GSAP: variants seen among roughly 807,000 people sequenced by gnomAD.
GSAP encodes gamma-secretase-activating protein.
Under a neutral mutation model 131.7 loss-of-function variants are expected in GSAP, and 118 were observed. The observed-to-expected ratio is 0.90, with a 90% CI of 0.77 to 1.04. The LOEUF (loss-of-function observed/expected upper bound fraction) is 1.04. GSAP is among the 50% of genes least tolerant of loss of function. The pLI, the probability that GSAP is intolerant of heterozygous loss-of-function variation, is 0.00. For missense variants in GSAP, 1,019 were observed against 1,013.2 expected (o/e 1.01, Z -0.08); for synonymous variants, 381 against 363.4 (o/e 1.05, Z -0.55).
intron 13 of GSAP, among the ~76,000 whole-genome samples, chr7:77,361,222 GC>G (rs143485386): frequency 6.6e-6 from 1 of 152,216 alleles, no homozygotes; most frequent in African/African-American, 2.4e-5. Context: ...TGGCTCATTG[GC>G]CCACATTCCT....
chr7:77,404,171 A>T (rs1254691916), intron 3 of GSAP, among the ~76,000 whole-genome samples: 1 of 152,232 alleles, frequency 6.6e-6, no homozygotes, highest in Non-Finnish European at 1.5e-5. Context: ...AGCTGCCAAA[A>T]TGACCAAATG....
chr7:77,377,258 A>AAAAAAAAAAAAAAAAT, intron 9 of GSAP, 28 bp downstream of exon 9: 82 of 1,400,492 alleles, frequency 5.9e-5, no homozygotes, highest in Non-Finnish European at 7.1e-5. Context: ...AAAAAAAAAA[A>AAAAAAAAAAAAAAAAT]GGAGTGCCCG....
intron 5 of GSAP, among the ~76,000 whole-genome samples, chr7:77,391,310 C>A (rs1447487054): frequency 1.3e-5 from 2 of 151,952 alleles, no homozygotes; most frequent in Non-Finnish European, 2.9e-5. Flanking sequence ...TTCTCAAGTA[C>A]AACCCAGACA....
In GSAP at chr7:77,336,246, C is replaced by T. The variant is rs572454828; in HGVS notation, c.1546-5879G>A. Reference sequence around the variant, plus strand: ...TATTCCATCTCACAATCAGCTTATGCCCTGAGAAAGTCAATGCTAAGCTCT... The same window carrying T: ...TATTCCATCTCACAATCAGCTTATGTCCTGAGAAAGTCAATGCTAAGCTCT... On this transcript the variant is annotated intron_variant, in intron 19 of 30. Transcript: ENST00000257626. Among the ~76,000 whole-genome samples, 209 of 151,964 alleles carry T rather than the reference C, an allele frequency of 1.4e-3. 1 individual carries two copies. Among genetic ancestry groups the T allele is most frequent in the Non-Finnish European group, 1.0e-3 (68 of 67,928 alleles).
chr7:77,409,016 C>T (rs891915544), intron 1 of GSAP, among the ~76,000 whole-genome samples: 1 of 152,144 alleles, frequency 6.6e-6, no homozygotes, highest in Non-Finnish European at 1.5e-5. Flanking sequence ...TCACAAGCAG[C>T]AGCTTAGTGG....
chr7:77,406,118 T>C lies in GSAP; in HGVS notation c.110-13A>G. The C allele has an allele frequency of 1.6e-6, 2 of 1,259,458 alleles. No homozygotes were observed. The highest frequency in any genetic ancestry group is 1.6e-5 in the South Asian group (1 of 63,532). 78.0% of individuals were successfully genotyped at this position (1,259,458 alleles called of 1,614,324 possible). ...TTTTCTAAAACATCTGAAATGATAA[T>C]AGGAGGTTAATACTCAGCAGAAGAT... is the stretch of plus-strand genomic sequence containing the variant. On this transcript the variant is annotated splice_polypyrimidine_tract_variant and intron_variant, in intron 1 of 30. Coordinates refer to ENST00000257626, the MANE Select transcript of GSAP (RefSeq NM_017439.4).
intron 6 of GSAP, among the ~76,000 whole-genome samples, 166 bp downstream of exon 6, chr7:77,387,194 A>G (rs1798699198): frequency 6.6e-6 from 1 of 152,204 alleles, no homozygotes; most frequent in South Asian, 2.1e-4. Context: ...CGAGTTCTTA[A>G]TTTCCATGCT....
chr7:77,380,307 T>C (rs1285013138), intron 8 of GSAP, among the ~76,000 whole-genome samples: 1 of 152,308 alleles, frequency 6.6e-6, no homozygotes, highest in East Asian at 1.9e-4. Flanking sequence ...CTTCTAAAAC[T>C]GTCAATTGTT....
intron 3 of GSAP, among the ~76,000 whole-genome samples, chr7:77,401,838 T>C (rs747699325): frequency 2.6e-5 from 4 of 152,212 alleles, no homozygotes; most frequent in South Asian, 2.1e-4. Flanking sequence ...AAGGAGATAA[T>C]AGTTCCACAC....
chr7:77,324,582 G>T (rs1456867347), intron 23 of GSAP, among the ~76,000 whole-genome samples: 1 of 152,114 alleles, frequency 6.6e-6, no homozygotes, highest in African/African-American at 2.4e-5. Context: ...TCAAGGCCAA[G>T]ACATAATGGT....
chr7:77,328,915 T>A (rs1214550034), intron 21 of GSAP, among the ~76,000 whole-genome samples: 2 of 151,944 alleles, frequency 1.3e-5, no homozygotes, highest in African/African-American at 2.4e-5. Context: ...AGAACAGAGG[T>A]TGGAATGGGG....
chr7:77,379,547 C>T (rs967456515), intron 8 of GSAP, among the ~76,000 whole-genome samples: 8 of 152,046 alleles, frequency 5.3e-5, no homozygotes, highest in Non-Finnish European at 1.2e-4. Flanking sequence ...GTGTCCCCAC[C>T]ATCACTCTTC....
chr7:77,397,559 A>T lies in GSAP; in HGVS notation c.244-144T>A, dbSNP rs1466249147. 7 of 554,480 alleles carry T rather than the reference A, an allele frequency of 1.3e-5. No individual in the cohort carries two copies. The African/African-American group carries it at 1.4e-4, about 11-fold the overall frequency. 34.3% of individuals were successfully genotyped at this position (554,480 alleles called of 1,614,324 possible). On this transcript the variant is annotated intron_variant, in intron 3 of 30. Transcript: ENST00000257626. Reference sequence around the variant, plus strand: ...GAATCAAACTAGTTTAGCTATGCTGACACATTCCAGAGTACTCTTTACCAA... The same window carrying T: ...GAATCAAACTAGTTTAGCTATGCTGTCACATTCCAGAGTACTCTTTACCAA...
At chr7:77,412,688 T>C (rs968066124) in intron 1 of GSAP, among the ~76,000 whole-genome samples, 7 of 150,502 alleles carry the variant, frequency 4.7e-5, no homozygotes, top group African/African-American at 1.7e-4. Context: ...AATAGACATT[T>C]CACAGGCAGG....
chr7:77,409,748 A>G (rs1045474415), intron 1 of GSAP, among the ~76,000 whole-genome samples: 1 of 152,232 alleles, frequency 6.6e-6, no homozygotes, highest in African/African-American at 2.4e-5. Context: ...TTCGGCTAAG[A>G]TAAGAACTCC....
In GSAP at chr7:77,325,480, T is replaced by C. The variant is rs188708996; in HGVS notation, c.1827+732A>G. Among the ~76,000 whole-genome samples, 51 of 152,380 alleles carry C rather than the reference T, an allele frequency of 3.3e-4. 1 individual carries two copies. Among genetic ancestry groups the C allele is most frequent in the Middle Eastern group, 3.4e-3 (1 of 294 alleles). ...TTTATTTACAAATTCTGCTTTTCAATTGAAAATTTATTTTGATTCATATTT... is the reference window on the plus strand; with the variant it reads ...TTTATTTACAAATTCTGCTTTTCAACTGAAAATTTATTTTGATTCATATTT... On this transcript the variant is annotated intron_variant, in intron 23 of 30. Coordinates refer to ENST00000257626, the MANE Select transcript of GSAP (RefSeq NM_017439.4).
intron 12 of GSAP, 35 bp downstream of exon 12, chr7:77,374,035 G>A (rs746447863): frequency 2.2e-5 from 25 of 1,153,234 alleles, no homozygotes; most frequent in African/African-American, 9.2e-5. Flanking sequence ...ACTCAAATAC[G>A]GTTGAATAAA....
intron 5 of GSAP, among the ~76,000 whole-genome samples, chr7:77,389,209 T>C (rs1799030015): frequency 6.6e-6 from 1 of 151,998 alleles, no homozygotes; most frequent in Non-Finnish European, 1.5e-5. Context: ...TGACATTTTT[T>C]TGACCTAAAA....
rs56739649 is a variant in GSAP, at chr7:77,402,593, C to CAAAAAAAAAAAAAAAAAAAAAAAAAA, written c.243+1965_243+1966insTTTTTTTTTTTTTTTTTTTTTTTTTT. ...CTGGCAATAGAGTGAGACTCTGTCT[C>CAAAAAAAAAAAAAAAAAAAAAAAAAA]AAAAAAAAAAAAAAAAAAAAAAAGA... On this transcript the variant is annotated intron_variant, in intron 3 of 30. Coordinates refer to ENST00000257626, the MANE Select transcript of GSAP (RefSeq NM_017439.4). 7.3e-4 allele frequency among the ~76,000 whole-genome samples: 18 copies of CAAAAAAAAAAAAAAAAAAAAAAAAAA among 24,776 alleles called. 1 individual carries two copies. The highest frequency in any genetic ancestry group is 2.2e-3 in the East Asian group (2 of 930). The allele number at this position is 24,776 out of a possible 152,430, so 16.3% of individuals were successfully genotyped here.
Sources: allele counts gnomAD v4.1 joint callset (sites outside exome capture counted in the v4.1 genomes callset), GRCh38; gene constraint gnomAD v4.1.1; transcripts MANE v1.5; gene names NCBI Gene and HGNC (gene_info 2026-07-23, HGNC 2026-07-21).